Variants in HSD17B2 observed in about 807,000 individuals in gnomAD.
HSD17B2 encodes hydroxysteroid 17-beta dehydrogenase 2.
Under a neutral mutation model 26.9 loss-of-function variants are expected in HSD17B2, and 32 were observed. The observed-to-expected ratio is 1.19, with a 90% CI of 0.90 to 1.60. The LOEUF is 1.60. Ranked by LOEUF, HSD17B2 falls within the 40% of genes most tolerant of loss-of-function variation. The pLI is 0.00. For synonymous variants in HSD17B2, 246 were observed against 186.7 expected (o/e 1.32, Z -2.59); for missense variants, 613 against 468.6 (o/e 1.31, Z -2.85).
intron 1 of HSD17B2, among the ~76,000 whole-genome samples, chr16:82,048,805 G>A (rs1327860389): frequency 6.6e-6 from 1 of 152,156 alleles, no homozygotes; most frequent in East Asian, 1.9e-4. Context: ...TTGGTTATAG[G>A]GTAGTTGTAT....
chr16:82,045,411 A>G (rs1429716975), intron 1 of HSD17B2, among the ~76,000 whole-genome samples: 1 of 152,230 alleles, frequency 6.6e-6, no homozygotes, highest in African/African-American at 2.4e-5. Flanking sequence ...TTTTTCTCAC[A>G]TATAAAGTGG....
In HSD17B2 at chr16:82,097,242, CTATGTCTATGTCTA is replaced by C. The variant is rs1475342945; in HGVS notation, c.803-831_803-818del. 5.2e-5 allele frequency: 7 copies of C among 134,486 alleles called. No individual in the cohort carries two copies. In the Admixed American group the frequency reaches 5.3e-4, roughly 10 times the overall value. 8.3% of individuals were successfully genotyped at this position (134,486 alleles called of 1,614,324 possible). A position where few individuals can be genotyped will look rare whatever the true frequency, so the allele number is the denominator to read the frequency against. The stretch of plus-strand genomic sequence containing the variant: ...TCTATGTCTATGTCTATGTCTATGT[CTATGTCTATGTCTA>C]TGTCTATGTCTATGTGTGTGTATGT... On this transcript the variant is annotated intron_variant, in intron 4 of 4. Coordinates refer to ENST00000199936, the MANE Select transcript of HSD17B2 (RefSeq NM_002153.3).
chr16:82,035,983 A>G (rs8191055), intron 1 of HSD17B2, among the ~76,000 whole-genome samples: 1,881 of 152,240 alleles, frequency 0.012, 17 homozygotes, highest in Non-Finnish European at 0.02. Context: ...CATGTGTTCT[A>G]TTGTACCCAG....
chr16:82,098,366 G>T lies in HSD17B2; in HGVS notation c.1094G>T (p.Arg365Ile), dbSNP rs756891308. Residue 365 changes from arginine to isoleucine, a missense_variant, in exon 5 of 5, where the codon AGA becomes ATA. Coordinates refer to ENST00000199936, the MANE Select transcript of HSD17B2 (RefSeq NM_002153.3). ...GGCATATATGATTACTTTGCTAAAA[G>T]ACATTTTGGCCAAGACAAGCCCATG... ...PIGIYDYFAKRHFGQDKPMPR... is the reference protein window; with the variant it reads ...PIGIYDYFAKIHFGQDKPMPR... 6.2e-7 allele frequency: 1 copy of T among 1,614,076 alleles called. No homozygotes were observed. Among genetic ancestry groups the T allele is most frequent in the African/African-American group, 1.3e-5 (1 of 75,022 alleles).
At chr16:82,083,708 G>A (rs755504937) in intron 3 of HSD17B2, among the ~76,000 whole-genome samples, 52 of 152,194 alleles carry the variant, frequency 3.4e-4, no homozygotes, top group Non-Finnish European at 6.8e-4. Context: ...CTGTGACACC[G>A]AATTACCCTT....
rs1014422592 is a variant in HSD17B2, at chr16:82,090,817, A to G, written c.665-85A>G. 9 of 1,296,100 alleles carry G rather than the reference A, an allele frequency of 6.9e-6. No homozygotes were observed. The African/African-American group carries it at 7.5e-5, about 11-fold the overall frequency. 80.3% of individuals were successfully genotyped at this position (1,296,100 alleles called of 1,614,324 possible). Reference sequence around the variant, plus strand: ...CCAAGTCACTGATACCAGTTCCTACATACAGTAGACACTGATTAAATATTT... The same window carrying G: ...CCAAGTCACTGATACCAGTTCCTACGTACAGTAGACACTGATTAAATATTT... On this transcript the variant is annotated intron_variant, in intron 3 of 4. Coordinates refer to ENST00000199936, the MANE Select transcript of HSD17B2 (RefSeq NM_002153.3).
chr16:82,081,742 C>T (rs1284193280), intron 3 of HSD17B2, among the ~76,000 whole-genome samples: 1 of 152,178 alleles, frequency 6.6e-6, no homozygotes, highest in Non-Finnish European at 1.5e-5. Flanking sequence ...CTGCCCCGCA[C>T]TTCTTTATTT....
intron 3 of HSD17B2, chr16:82,090,126 C>A: frequency 1.8e-6 from 1 of 556,170 alleles, no homozygotes; most frequent in Non-Finnish European, 2.3e-6. Context: ...TGTTATTCCT[C>A]GTTGCAACAA....
At chr16:82,091,749 C>T (rs2955153) in intron 4 of HSD17B2, 139,002 of 152,656 alleles carry the variant, frequency 0.91, 64,241 homozygotes, top group Non-Finnish European at 0.99. Context: ...GCATCCAGAG[C>T]TCTCCAGCTC....
At chr16:82,050,413 C>T (rs574983880) in intron 1 of HSD17B2, among the ~76,000 whole-genome samples, 2 of 152,218 alleles carry the variant, frequency 1.3e-5, no homozygotes. Context: ...CACGGCTCGT[C>T]ACCTCCCCTG....
At chr16:82,086,571 G>C (rs575648352) in intron 3 of HSD17B2, among the ~76,000 whole-genome samples, 28 of 152,280 alleles carry the variant, frequency 1.8e-4, no homozygotes, top group Admixed American at 9.2e-4. Context: ...TGACTGAATA[G>C]TTCACAGAGG....
chr16:82,069,830 G>A (rs1914656971), intron 2 of HSD17B2, among the ~76,000 whole-genome samples: 2 of 152,126 alleles, frequency 1.3e-5, no homozygotes, highest in African/African-American at 2.4e-5. Context: ...AATGTTAGTT[G>A]GTGACAGCAG....
At position 82,098,382 on chromosome 16, in the gene HSD17B2, C is replaced by G. The variant is rs926984795; in HGVS notation, c.1110C>G (p.Asp370Glu). 6.2e-7 allele frequency: 1 copy of G among 1,614,036 alleles called. No homozygotes were observed. Among genetic ancestry groups the G allele is most frequent in the Admixed American group, 1.7e-5 (1 of 60,014 alleles). The change falls in exon 5 of 5, where the codon GAC becomes GAG. Residue 370 changes from aspartate (D) to glutamate (E), a missense_variant. Asp to Glu is a conservative substitution (Grantham distance 45). Coordinates refer to ENST00000199936, the MANE Select transcript of HSD17B2 (RefSeq NM_002153.3). Reference protein sequence around the residue: ...DYFAKRHFGQDKPMPRALRMP... With the variant: ...DYFAKRHFGQEKPMPRALRMP... ...TTGCTAAAAGACATTTTGGCCAAGACAAGCCCATGCCCAGAGCTCTAAGAA... is the reference window on the plus strand; with the variant it reads ...TTGCTAAAAGACATTTTGGCCAAGAGAAGCCCATGCCCAGAGCTCTAAGAA...
Position 82,035,317 on chromosome 16 carries a change from C to T in HSD17B2, c.-108C>T, listed in dbSNP as rs996654361. On this transcript the variant is annotated 5_prime_UTR_variant, in exon 1 of 5. Coordinates refer to ENST00000199936, the MANE Select transcript of HSD17B2 (RefSeq NM_002153.3). Reference sequence around the variant, plus strand: ...TGAAAGGGGCTGGGGCTGCTTTCTCCCCTCCCTTCTTGACTCTCTGTTCAC... The same window carrying T: ...TGAAAGGGGCTGGGGCTGCTTTCTCTCCTCCCTTCTTGACTCTCTGTTCAC... The T allele has an allele frequency of 9.7e-7, 1 of 1,029,450 alleles. No individual in the cohort carries two copies. Among genetic ancestry groups the T allele is most frequent in the Middle Eastern group, 3.2e-4 (1 of 3,084 alleles). 63.8% of individuals were successfully genotyped at this position (1,029,450 alleles called of 1,614,324 possible). A position where few individuals can be genotyped will look rare whatever the true frequency, so the allele number is the denominator to read the frequency against.
chr16:82,037,394 T>C (rs1913651697), intron 1 of HSD17B2, among the ~76,000 whole-genome samples: 1 of 152,206 alleles, frequency 6.6e-6, no homozygotes, highest in Non-Finnish European at 1.5e-5. Context: ...CACAACTCTT[T>C]AAAGAATGAA....
chr16:82,070,349 A>G (rs1914669758), intron 2 of HSD17B2, among the ~76,000 whole-genome samples: 2 of 152,170 alleles, frequency 1.3e-5, no homozygotes, highest in South Asian at 2.1e-4. Flanking sequence ...CTACCACTGC[A>G]TAGCACTACG....
chr16:82,093,381 TG>T (rs1346198767), intron 4 of HSD17B2: 1 of 152,260 alleles, frequency 6.6e-6, no homozygotes, highest in Non-Finnish European at 1.5e-5. Flanking sequence ...CTTTTGTGTC[TG>T]GCTTCTTTCA....
rs79569259 is a variant in HSD17B2, at chr16:82,079,731, G to A, written c.664+8604G>A. Among the ~76,000 whole-genome samples the A allele has an allele frequency of 6.7e-3, 1,012 of 151,944 alleles. 11 individuals carry two copies. The highest frequency in any genetic ancestry group is 0.031 in the Middle Eastern group (9 of 292). Reference sequence around the variant, plus strand: ...GAAACAATAGAAAAGATTTTGAGCCGGAAAAGAAAAAGCTAGAATGTAACA... The same window carrying A: ...GAAACAATAGAAAAGATTTTGAGCCAGAAAAGAAAAAGCTAGAATGTAACA... On this transcript the variant is annotated intron_variant, in intron 3 of 4. Coordinates refer to ENST00000199936, the MANE Select transcript of HSD17B2 (RefSeq NM_002153.3).
intron 1 of HSD17B2, chr16:82,052,562 G>A (rs1233400630): frequency 1.3e-5 from 2 of 152,226 alleles, no homozygotes; most frequent in African/African-American, 4.8e-5. Flanking sequence ...CTCTAGAGAA[G>A]GCTACACCCT....
Sources: gnomAD v4.1 joint callset for allele counts (sites outside exome capture counted in the v4.1 genomes callset) on GRCh38, gnomAD v4.1.1 for gene constraint, MANE v1.5 for transcripts, NCBI Gene and HGNC (gene_info 2026-07-23, HGNC 2026-07-21) for gene names.